The following PIWIL2 variants were observed in gnomAD, a reference collection of about 807,000 sequenced individuals.
PIWIL2 encodes the protein piwi-like protein 2.
Under a neutral mutation model 116.5 loss-of-function variants are expected in PIWIL2, and 81 were observed. That is an observed-to-expected ratio of 0.70 (90% confidence interval 0.58 to 0.84). The LOEUF (loss-of-function observed/expected upper bound fraction) is 0.84, where lower values mean the gene tolerates loss of function less well. PIWIL2 is among the 40% of genes least tolerant of loss of function. The probability of loss-of-function intolerance (pLI) is 0.00; values close to 1 mark genes in which losing one functional copy is unlikely to be tolerated. For missense variants in PIWIL2, 1,272 were observed against 1,212.3 expected (o/e 1.05, Z -0.73); for synonymous variants, 489 against 429.5 (o/e 1.14, Z -1.71).
At chr8:22,294,421 C>A (rs558884568) in intron 10 of PIWIL2, among the ~76,000 whole-genome samples, 21 of 148,320 alleles carry the variant, frequency 1.4e-4, no homozygotes, top group African/African-American at 4.7e-4. Flanking sequence ...GCGGGCAGAT[C>A]ATGAAGTCAG....
chr8:22,280,182 C>T (rs1314563577), intron 2 of PIWIL2, among the ~76,000 whole-genome samples: 1 of 152,276 alleles, frequency 6.6e-6, no homozygotes, highest in South Asian at 2.1e-4. Flanking sequence ...ATTGTTAGGT[C>T]TAAAGGTACA....
At chr8:22,276,880 A>G (rs1022050268) in intron 1 of PIWIL2, among the ~76,000 whole-genome samples, 23 of 150,698 alleles carry the variant, frequency 1.5e-4, no homozygotes, top group African/African-American at 5.6e-4. Context: ...TGTAGCCTGG[A>G]TGACAGAACA....
At chr8:22,312,541 CA>C (rs1351776392) in intron 16 of PIWIL2, among the ~76,000 whole-genome samples, 1 of 152,174 alleles carries the variant, frequency 6.6e-6, no homozygotes, top group Non-Finnish European at 1.5e-5. Flanking sequence ...AGTGAGATTA[CA>C]GGCGTGAGTC....
chr8:22,319,521 C>T (rs990787983), intron 20 of PIWIL2, among the ~76,000 whole-genome samples: 4 of 152,162 alleles, frequency 2.6e-5, no homozygotes, highest in African/African-American at 9.6e-5. Flanking sequence ...GGGTTGTATC[C>T]TTATTTATGC....
intron 21 of PIWIL2, among the ~76,000 whole-genome samples, chr8:22,354,005 G>A (rs897812156): frequency 1.3e-5 from 2 of 151,788 alleles, no homozygotes; most frequent in African/African-American, 4.8e-5. Flanking sequence ...CGATCTCCTG[G>A]GCTCAAGCAA....
intron 20 of PIWIL2, among the ~76,000 whole-genome samples, chr8:22,337,801 A>G (rs533126070): frequency 1.2e-4 from 18 of 152,022 alleles, no homozygotes; most frequent in Middle Eastern, 3.4e-3. Context: ...TGTTAAAGAA[A>G]TTGAAGATCT....
intron 10 of PIWIL2, among the ~76,000 whole-genome samples, chr8:22,302,041 C>A (rs915296297): frequency 1.3e-5 from 2 of 152,064 alleles, no homozygotes; most frequent in Admixed American, 6.6e-5. Context: ...TCCTTCAGTT[C>A]AAGATATTTT....
intron 20 of PIWIL2, among the ~76,000 whole-genome samples, chr8:22,347,213 A>AT (rs35121396): frequency 0.038 from 5,133 of 135,190 alleles, 367 homozygotes; most frequent in African/African-American, 0.13. Context: ...CATTAACATA[A>AT]TTTTTTTTTT....
chr8:22,352,852 A>G (rs897767458), intron 20 of PIWIL2, 107 bp from the exon 21 acceptor site: 5 of 1,159,190 alleles, frequency 4.3e-6, no homozygotes, highest in Non-Finnish European at 6.1e-6. Context: ...CTAACTGCAA[A>G]AGGATCTGCC....
At position 22,304,066 on chromosome 8, in the gene PIWIL2, T is replaced by A; in HGVS notation, c.1227T>A (p.Cys409Ter). ...ATAAAGAACACTTCCAGGATGAGTGTACTAAGCTTCTGGTTGGCAATATTG... is the reference window on the plus strand; with the variant it reads ...ATAAAGAACACTTCCAGGATGAGTGAACTAAGCTTCTGGTTGGCAATATTG... ...QQNKEHFQDE[C>*]TKLLVGNIVI... Residue 409 changes from cysteine to a stop codon, truncating the protein, a stop_gained, in exon 11 of 23, where the codon TGT becomes TGA. Transcript: ENST00000356766. LOFTEE classifies it high-confidence loss of function. 6.2e-7 allele frequency: 1 copy of A among 1,613,714 alleles called. No homozygotes were observed.
At chr8:22,339,629 T>G (rs894276730) in intron 20 of PIWIL2, among the ~76,000 whole-genome samples, 1 of 151,908 alleles carries the variant, frequency 6.6e-6, no homozygotes, top group Non-Finnish European at 1.5e-5. Flanking sequence ...AAAGAAAAAA[T>G]CGATTTGATG....
In PIWIL2 at chr8:22,304,009, C is replaced by G; in HGVS notation, c.1182-12C>G. 1 of 1,595,154 alleles carries G rather than the reference C, an allele frequency of 6.3e-7. No individual in the cohort carries two copies. Among genetic ancestry groups the G allele is most frequent in the Non-Finnish European group, 8.6e-7 (1 of 1,167,198 alleles). ...ATACTGTGATCCAAAAGTCTTTTAT[C>G]TCTTTCCAAAGGCATGCCATTTATC... On this transcript the variant is annotated splice_polypyrimidine_tract_variant and intron_variant, in intron 10 of 22. Coordinates refer to ENST00000356766, the MANE Select transcript of PIWIL2 (RefSeq NM_018068.5).
At chr8:22,276,768 T>C (rs1210541837) in intron 1 of PIWIL2, among the ~76,000 whole-genome samples, 4 of 152,024 alleles carry the variant, frequency 2.6e-5, no homozygotes, top group African/African-American at 9.7e-5. Flanking sequence ...CTGGGTATGG[T>C]GGCAGGTGCC....
chr8:22,346,137 T>C (rs1421329531), intron 20 of PIWIL2, among the ~76,000 whole-genome samples: 1 of 152,130 alleles, frequency 6.6e-6, no homozygotes, highest in African/African-American at 2.4e-5. Context: ...AGTGGGAGTA[T>C]TGCTTGAGGC....
chr8:22,300,594 C>G (rs1223292337), intron 10 of PIWIL2, among the ~76,000 whole-genome samples: 2 of 152,212 alleles, frequency 1.3e-5, no homozygotes, highest in Non-Finnish European at 2.9e-5. Flanking sequence ...CCCAAAGTGT[C>G]TGTACTGTTT....
rs555456027 is a variant in PIWIL2 at position 22,320,950 on chromosome 8, C to CT, written c.2403+2679dup. On this transcript the variant is annotated intron_variant, in intron 20 of 22. Transcript: ENST00000356766. ...GCAAGCACAGGGACTGTCTTGATTC[C>CT]TTTTCCATCTCTTACACTACTAAGC... is the stretch of plus-strand genomic sequence containing the variant. Among the ~76,000 whole-genome samples, 433 of 152,244 alleles carry CT rather than the reference C, an allele frequency of 2.8e-3. 2 individuals carry two copies. The highest frequency in any genetic ancestry group is 0.01 in the Middle Eastern group (3 of 294).
At chr8:22,346,429 G>A (rs976006636) in intron 20 of PIWIL2, among the ~76,000 whole-genome samples, 1 of 152,106 alleles carries the variant, frequency 6.6e-6, no homozygotes. Flanking sequence ...TCTGATGCTG[G>A]GATGCATCTA....
chr8:22,322,021 G>GTTT, intron 20 of PIWIL2: 12 of 843,014 alleles, frequency 1.4e-5, no homozygotes, highest in East Asian at 1.2e-4. Context: ...TACTGTTTTG[G>GTTT]TTTTTTTTTT....
chr8:22,313,091 C>G (rs181393101), intron 16 of PIWIL2, among the ~76,000 whole-genome samples: 83 of 152,320 alleles, frequency 5.4e-4, no homozygotes, highest in Admixed American at 4.8e-3. Context: ...AACTTGTGTT[C>G]CCTTTTTGAG....
Sources: allele counts gnomAD v4.1 joint callset (sites outside exome capture counted in the v4.1 genomes callset), GRCh38; gene constraint gnomAD v4.1.1; transcripts MANE v1.5; gene names NCBI Gene and HGNC (gene_info 2026-07-23, HGNC 2026-07-21).